Variants in NT5DC1 observed in about 807,000 individuals in gnomAD.
NT5DC1 encodes the protein 5'-nucleotidase domain containing 1.
In NT5DC1, 42 loss-of-function variants were observed where a neutral mutation model predicts 59.4. The observed-to-expected ratio is 0.71, with a 90% CI of 0.55 to 0.92. The LOEUF is 0.92. Among genes scored for constraint, NT5DC1 ranks in the 40% least tolerant of loss-of-function variants. The probability of loss-of-function intolerance (pLI) is 0.00; values close to 1 mark genes in which losing one functional copy is unlikely to be tolerated. For synonymous variants in NT5DC1, 172 were observed against 188.1 expected (o/e 0.91, Z 0.70); for missense variants, 501 against 537.1 (o/e 0.93, Z 0.66).
At chr6:116,128,874 T>C (rs1441306352) in intron 6 of NT5DC1, among the ~76,000 whole-genome samples, 1 of 152,202 alleles carries the variant, frequency 6.6e-6, no homozygotes, top group Non-Finnish European at 1.5e-5. Flanking sequence ...ACCTTGTTAA[T>C]ATTAGTTACA....
intron 6 of NT5DC1, among the ~76,000 whole-genome samples, chr6:116,193,599 G>C (rs750631874): frequency 1.3e-5 from 2 of 152,042 alleles, no homozygotes; most frequent in African/African-American, 2.4e-5. Flanking sequence ...AATATACACA[G>C]AATATGTCTC....
intron 6 of NT5DC1, among the ~76,000 whole-genome samples, chr6:116,163,325 T>C (rs2114433178): frequency 6.6e-6 from 1 of 151,616 alleles, no homozygotes; most frequent in African/African-American, 2.4e-5. Context: ...TGTTCAGGAT[T>C]TTAATTTCCC....
At chr6:116,181,784 G>A (rs951925269) in intron 6 of NT5DC1, among the ~76,000 whole-genome samples, 2 of 151,980 alleles carry the variant, frequency 1.3e-5, no homozygotes, top group African/African-American at 4.8e-5. Flanking sequence ...GCTATATTAT[G>A]TTCCTGGTGG....
At chr6:116,161,063 T>C (rs1780316296) in intron 6 of NT5DC1, among the ~76,000 whole-genome samples, 1 of 151,584 alleles carries the variant, frequency 6.6e-6, no homozygotes, top group African/African-American at 2.4e-5. Context: ...AAATTGGAAA[T>C]CATCATTCTC....
intron 6 of NT5DC1, among the ~76,000 whole-genome samples, chr6:116,143,285 A>G (rs1034050665): frequency 3.3e-5 from 5 of 152,094 alleles, no homozygotes; most frequent in African/African-American, 1.2e-4. Context: ...ATTTTGGCTC[A>G]TTGCAACCTC....
intron 8 of NT5DC1, 60 bp downstream of exon 8, chr6:116,223,191 A>G (rs962713597): frequency 1.3e-5 from 11 of 841,076 alleles, no homozygotes; most frequent in Non-Finnish European, 2.0e-5. Context: ...CCTTGTGCAG[A>G]ACACTGTGTT....
At chr6:116,113,577 C>T (rs1228409850) in intron 4 of NT5DC1, among the ~76,000 whole-genome samples, 1 of 152,162 alleles carries the variant, frequency 6.6e-6, no homozygotes, top group Non-Finnish European at 1.5e-5. Flanking sequence ...CAGCCTGGCC[C>T]AGTTAACAGC....
intron 8 of NT5DC1, among the ~76,000 whole-genome samples, chr6:116,236,230 A>G (rs1782111567): frequency 1.3e-5 from 2 of 152,218 alleles, no homozygotes; most frequent in Admixed American, 6.5e-5. Context: ...CTGCTGATAG[A>G]TATATCATGT....
Position 116,154,327 on chromosome 6 carries a change from G to A in NT5DC1, c.529+36382G>A, listed in dbSNP as rs142389891. Among the ~76,000 whole-genome samples, 718 of 152,200 alleles carry A rather than the reference G, an allele frequency of 4.7e-3. 6 individuals carry two copies. In the Middle Eastern group the frequency reaches 0.054, roughly 12 times the overall value. ...TAAAAGATGTTGTCACTGAGGCCGG[G>A]ATTTCTTTCTGTTCCTGTATCCTAA... On this transcript the variant is annotated intron_variant, in intron 6 of 11. Coordinates refer to ENST00000319550, the MANE Select transcript of NT5DC1 (RefSeq NM_152729.3).
chr6:116,166,568 A>G (rs528094489), intron 6 of NT5DC1, among the ~76,000 whole-genome samples: 11 of 152,208 alleles, frequency 7.2e-5, no homozygotes, highest in Non-Finnish European at 1.6e-4. Flanking sequence ...AACTCCTGGC[A>G]TCGATCTCCA....
rs562989685 is a variant in NT5DC1, at chr6:116,248,446, C to T, written c.*4422C>T. ...GGGACTCAGTAATTAAAAATATAGGCAAGGGTTTGTTTTGGTTTTTGTTTG... is the reference window on the plus strand; with the variant it reads ...GGGACTCAGTAATTAAAAATATAGGTAAGGGTTTGTTTTGGTTTTTGTTTG... On this transcript the variant is annotated 3_prime_UTR_variant, in exon 12 of 12. Transcript: ENST00000319550. 17 of 152,164 alleles carry T rather than the reference C, an allele frequency of 1.1e-4. No homozygotes were observed. Among genetic ancestry groups the T allele is most frequent in the African/African-American group, 4.1e-4 (17 of 41,504 alleles). The allele number at this position is 152,164 out of a possible 1,614,324, so 9.4% of individuals were successfully genotyped here.
Position 116,120,162 on chromosome 6 carries a change from G to A in NT5DC1, c.529+2217G>A. 2 of 1,614,152 alleles carry A rather than the reference G, an allele frequency of 1.2e-6. No homozygotes were observed. The highest frequency in any genetic ancestry group is 1.6e-4 in the Middle Eastern group (1 of 6,062). ...TTTGACTCGGCATTGGGAAGCTGGA[G>A]CCACACCTGGTCATTTTCTGTGAGA... is the stretch of plus-strand genomic sequence containing the variant. On this transcript the variant is annotated intron_variant, in intron 6 of 11. Transcript: ENST00000319550.
chr6:116,115,955 CT>C (rs956567371), intron 5 of NT5DC1, among the ~76,000 whole-genome samples, 185 bp downstream of exon 5: 96 of 148,124 alleles, frequency 6.5e-4, no homozygotes, highest in Non-Finnish European at 1.2e-3. Context: ...TAGCAGTGAC[CT>C]TTTTTTTTTC....
intron 6 of NT5DC1, chr6:116,122,053 C>G: frequency 9.2e-7 from 1 of 1,082,544 alleles, no homozygotes; most frequent in Non-Finnish European, 1.4e-6. Context: ...AATTGGGACA[C>G]GATATTTCAG....
At chr6:116,113,514 A>C (rs1042334605) in intron 4 of NT5DC1, among the ~76,000 whole-genome samples, 1 of 152,208 alleles carries the variant, frequency 6.6e-6, no homozygotes, top group African/African-American at 2.4e-5. Flanking sequence ...TGGACGTTGA[A>C]GCTTTCATGT....
chr6:116,214,338 A>G lies in NT5DC1; in HGVS notation c.530-6716A>G, dbSNP rs556614308. ...AAAATAAATTCTATTTTACTTAAAA[A>G]GATTTTTACTTAAAATGTTTTTAAA... On this transcript the variant is annotated intron_variant, in intron 6 of 11. Transcript: ENST00000319550. Among the ~76,000 whole-genome samples the G allele has an allele frequency of 2.6e-5, 4 of 152,312 alleles. No individual in the cohort carries two copies. The South Asian group carries it at 8.3e-4, about 32-fold the overall frequency.
At chr6:116,162,305 A>G (rs779670394) in intron 6 of NT5DC1, among the ~76,000 whole-genome samples, 1 of 152,254 alleles carries the variant, frequency 6.6e-6, no homozygotes, top group Non-Finnish European at 1.5e-5. Flanking sequence ...TAGAACTTCC[A>G]TTACTATGTT....
chr6:116,146,497 T>G (rs1240371728), intron 6 of NT5DC1, among the ~76,000 whole-genome samples: 1 of 152,174 alleles, frequency 6.6e-6, no homozygotes, highest in Non-Finnish European at 1.5e-5. Context: ...CCAGAGAAAT[T>G]CTTAGCTGGC....
chr6:116,168,315 CTTT>C (rs1780523908), intron 6 of NT5DC1, among the ~76,000 whole-genome samples: 1 of 151,704 alleles, frequency 6.6e-6, no homozygotes, highest in Non-Finnish European at 1.5e-5. Context: ...GTTCTGTTTT[CTTT>C]TAATCTCATT....
Sources: allele counts gnomAD v4.1 joint callset (sites outside exome capture counted in the v4.1 genomes callset), GRCh38; gene constraint gnomAD v4.1.1; transcripts MANE v1.5; gene names NCBI Gene and HGNC (gene_info 2026-07-23, HGNC 2026-07-21).